CNTNAP4: variants seen among roughly 807,000 people sequenced by gnomAD.
CNTNAP4 encodes contactin-associated protein-like 4.
Under a neutral mutation model 148.4 loss-of-function variants are expected in CNTNAP4, and 98 were observed. That is an observed-to-expected ratio of 0.66 (90% confidence interval 0.56 to 0.78). The LOEUF is 0.78. CNTNAP4 is among the 30% of genes least tolerant of loss of function. The probability of loss-of-function intolerance (pLI) is 0.00; values close to 1 mark genes in which losing one functional copy is unlikely to be tolerated. For missense variants in CNTNAP4, 1,935 were observed against 1,565.6 expected, an observed-to-expected ratio of 1.24 and a Z score of -3.98; for synonymous variants, 730 against 565.1, an observed-to-expected ratio of 1.29 and a Z score of -4.14.
intron 3 of CNTNAP4, among the ~76,000 whole-genome samples, chr16:76,375,275 A>G (rs1305651329): frequency 6.6e-6 from 1 of 152,074 alleles, no homozygotes; most frequent in African/African-American, 2.4e-5. Context: ...TACAAAAATC[A>G]GCCAGGCGTG....
At chr16:76,380,846 C>G (rs962919351) in intron 3 of CNTNAP4, among the ~76,000 whole-genome samples, 4 of 152,082 alleles carry the variant, frequency 2.6e-5, no homozygotes, top group Non-Finnish European at 5.9e-5. Flanking sequence ...GATGCCTCTT[C>G]CACACCACAA....
chr16:76,488,128 T>A (rs1042623598), intron 12 of CNTNAP4, among the ~76,000 whole-genome samples: 5 of 152,188 alleles, frequency 3.3e-5, no homozygotes, highest in Non-Finnish European at 4.4e-5. Context: ...ATAGCCAAGG[T>A]TGAGTTGGCT....
intron 15 of CNTNAP4, among the ~76,000 whole-genome samples, chr16:76,510,371 A>G (rs927713912): frequency 3.9e-5 from 6 of 152,138 alleles, no homozygotes; most frequent in African/African-American, 1.4e-4. Flanking sequence ...TTCTGTGGCT[A>G]TACCACATTT....
intron 3 of CNTNAP4, among the ~76,000 whole-genome samples, chr16:76,371,826 A>C: frequency 6.6e-6 from 1 of 152,026 alleles, no homozygotes; most frequent in Non-Finnish European, 1.5e-5. Flanking sequence ...TCTGGGTGAT[A>C]CTCTTCAGTT....
At chr16:76,476,890 AC>A (rs1389289846) in intron 11 of CNTNAP4, among the ~76,000 whole-genome samples, 2 of 152,084 alleles carry the variant, frequency 1.3e-5, no homozygotes, top group African/African-American at 4.8e-5. Context: ...TTATCTTGCA[AC>A]CCTATTTAAT....
chr16:76,553,399 C>T lies in CNTNAP4; in HGVS notation c.3559C>T (p.His1187Tyr), dbSNP rs1383147377. 1 of 1,612,600 alleles carries T rather than the reference C, an allele frequency of 6.2e-7. No homozygotes were observed. Among genetic ancestry groups the T allele is most frequent in the Non-Finnish European group, 8.5e-7 (1 of 1,179,288 alleles). The stretch of plus-strand genomic sequence containing the variant: ...TCTGAAGGCAGCTCTGCACCCCAGC[C>T]ACCCAGACCCTGTCACTGTTACAGG... ...APLKAALHPS[H>Y]PDPVTVTGHV... Residue 1187 changes from histidine to tyrosine, a missense_variant, in exon 22 of 24, where the codon CAC becomes TAC. His to Tyr is a moderately conservative substitution (Grantham distance 83). Transcript: ENST00000611870.
intron 15 of CNTNAP4, among the ~76,000 whole-genome samples, chr16:76,508,991 T>C (rs1433879718): frequency 1.0e-5 from 1 of 96,290 alleles, no homozygotes; most frequent in Admixed American, 1.0e-4. Context: ...GACCTTGTGA[T>C]CCACCCGCCT....
At chr16:76,455,370 G>A (rs1185940067) in intron 8 of CNTNAP4, among the ~76,000 whole-genome samples, 1 of 152,180 alleles carries the variant, frequency 6.6e-6, no homozygotes, top group East Asian at 1.9e-4. Flanking sequence ...AGGCAGGCTT[G>A]CAGTATTTGA....
At chr16:76,413,575 C>A (rs1305543317) in intron 3 of CNTNAP4, among the ~76,000 whole-genome samples, 1 of 150,286 alleles carries the variant, frequency 6.7e-6, no homozygotes. Flanking sequence ...AAAAAAAAAC[C>A]CTCCAACTTT....
At chr16:76,444,913 G>C (rs1239736238) in intron 4 of CNTNAP4, among the ~76,000 whole-genome samples, 1 of 152,094 alleles carries the variant, frequency 6.6e-6, no homozygotes, top group Admixed American at 6.6e-5. Context: ...TGCGACTGTA[G>C]CCAGTTTGTT....
chr16:76,351,122 A>T (rs1238075852), intron 2 of CNTNAP4, among the ~76,000 whole-genome samples: 1 of 152,218 alleles, frequency 6.6e-6, no homozygotes, highest in African/African-American at 2.4e-5. Flanking sequence ...CACGAGGTCA[A>T]ATAACACTTA....
At chr16:76,384,137 A>G (rs1331271507) in intron 3 of CNTNAP4, among the ~76,000 whole-genome samples, 2 of 151,830 alleles carry the variant, frequency 1.3e-5, no homozygotes, top group Non-Finnish European at 2.9e-5. Flanking sequence ...TCCGCCTCCC[A>G]GGTTCAAGTG....
Position 76,553,275 on chromosome 16 carries a change from A to G in CNTNAP4, c.3443-8A>G. On this transcript the variant is annotated splice_region_variant and splice_polypyrimidine_tract_variant and intron_variant, in intron 21 of 23. Coordinates refer to ENST00000611870, the MANE Select transcript of CNTNAP4 (RefSeq NM_033401.5). ...TACTAATATTTCGGTGTTTCTTTGA[A>G]TTTCTAGAACACAGTGATGTGGACC... is the stretch of plus-strand genomic sequence containing the variant. The G allele has an allele frequency of 6.4e-7, 1 of 1,556,138 alleles. No individual in the cohort carries two copies. The highest frequency in any genetic ancestry group is 8.8e-7 in the Non-Finnish European group (1 of 1,136,114).
intron 1 of CNTNAP4, among the ~76,000 whole-genome samples, chr16:76,295,456 T>C (rs1259094272): frequency 6.6e-6 from 1 of 152,134 alleles, no homozygotes; most frequent in African/African-American, 2.4e-5. Context: ...TTTATAAACT[T>C]AAAATTCTCA....
chr16:76,330,601 T>C (rs985482349), intron 2 of CNTNAP4, among the ~76,000 whole-genome samples: 1 of 152,206 alleles, frequency 6.6e-6, no homozygotes, highest in African/African-American at 2.4e-5. Flanking sequence ...ATTTTACAAA[T>C]TAAACTGGAA....
chr16:76,482,440 T>G (rs1214918555), intron 12 of CNTNAP4, among the ~76,000 whole-genome samples: 2 of 151,830 alleles, frequency 1.3e-5, no homozygotes, highest in Non-Finnish European at 2.9e-5. Flanking sequence ...CAATTTTTTT[T>G]TTTTTTTAGT....
chr16:76,480,873 A>T lies in CNTNAP4; in HGVS notation c.1882+1335A>T, dbSNP rs1031942836. Among the ~76,000 whole-genome samples the T allele has an allele frequency of 2.6e-5, 4 of 152,344 alleles. No homozygotes were observed. In the East Asian group the frequency reaches 5.8e-4, roughly 22 times the overall value. ...TGTTTGTTTGTAGGTTGGTGTGATT[A>T]TTTTGGTGAAAATCAACAAGCATAT... On this transcript the variant is annotated intron_variant, in intron 12 of 23. Transcript: ENST00000611870.
chr16:76,382,445 C>T (rs1410565226), intron 3 of CNTNAP4, among the ~76,000 whole-genome samples: 1 of 151,948 alleles, frequency 6.6e-6, no homozygotes, highest in African/African-American at 2.4e-5. Flanking sequence ...CATTTTTTTA[C>T]TTAAAATATT....
At chr16:76,500,517 C>T (rs2082591023) in intron 15 of CNTNAP4, among the ~76,000 whole-genome samples, 2 of 152,026 alleles carry the variant, frequency 1.3e-5, no homozygotes, top group African/African-American at 4.8e-5. Context: ...ATGTGAATTT[C>T]CTACTGTTAG....
Sources: allele counts gnomAD v4.1 joint callset (sites outside exome capture counted in the v4.1 genomes callset), GRCh38; gene constraint gnomAD v4.1.1; transcripts MANE v1.5; gene names NCBI Gene and HGNC (gene_info 2026-07-23, HGNC 2026-07-21).